GNAL: variants seen among roughly 807,000 people sequenced by gnomAD.
The protein encoded by GNAL is G protein subunit alpha L.
In GNAL, 18 loss-of-function variants were observed where a neutral mutation model predicts 55.1. The observed-to-expected ratio is 0.33, with a 90% confidence interval of 0.23 to 0.48. The LOEUF is 0.48. Among genes scored for constraint, GNAL ranks in the 20% least tolerant of loss-of-function variants. The pLI is 0.99. For synonymous variants in GNAL, 253 were observed against 237.0 expected (o/e 1.07, Z -0.62); for missense variants, 412 against 614.1 (o/e 0.67, Z 3.48).
intron 4 of GNAL, among the ~76,000 whole-genome samples, chr18:11,812,284 A>G (rs184171451): frequency 6.6e-6 from 1 of 152,344 alleles, no homozygotes; most frequent in East Asian, 1.9e-4. Flanking sequence ...CAAATCTTCA[A>G]GTATCTTTGA....
At chr18:11,750,923 C>T (rs73397874) in intron 1 of GNAL, among the ~76,000 whole-genome samples, 9,281 of 151,752 alleles carry the variant, frequency 0.061, 412 homozygotes, top group African/African-American at 0.12. Context: ...GGGGAAGGTG[C>T]GCTGGGTGAG....
chr18:11,845,576 T>A (rs779761766), intron 5 of GNAL, among the ~76,000 whole-genome samples: 4 of 152,094 alleles, frequency 2.6e-5, no homozygotes, highest in Non-Finnish European at 5.9e-5. Context: ...AGTTTGTACG[T>A]TAGTTTGTAG....
intron 4 of GNAL, among the ~76,000 whole-genome samples, chr18:11,755,592 A>C (rs1266938879): frequency 6.6e-6 from 1 of 152,198 alleles, no homozygotes; most frequent in African/African-American, 2.4e-5. Flanking sequence ...ACTTTTTTAA[A>C]AAGCTTTTAT....
At chr18:11,723,431 G>A (rs1017912200) in intron 1 of GNAL, among the ~76,000 whole-genome samples, 3 of 152,164 alleles carry the variant, frequency 2.0e-5, no homozygotes, top group African/African-American at 7.2e-5. Flanking sequence ...ACAGGCCTTG[G>A]TTTGCTAATC....
chr18:11,696,283 A>G (rs772603459), intron 1 of GNAL, among the ~76,000 whole-genome samples: 11 of 152,012 alleles, frequency 7.2e-5, no homozygotes, highest in Non-Finnish European at 2.9e-5. Flanking sequence ...CGGGTGGATC[A>G]TGAGGTCAGG....
chr18:11,849,691 C>G (rs2035814406), intron 5 of GNAL, among the ~76,000 whole-genome samples: 1 of 151,810 alleles, frequency 6.6e-6, no homozygotes, highest in Non-Finnish European at 1.5e-5. Flanking sequence ...ATTTCTTCCC[C>G]TTTTTTTTGG....
At chr18:11,770,195 G>A (rs2033590170) in intron 4 of GNAL, among the ~76,000 whole-genome samples, 1 of 151,930 alleles carries the variant, frequency 6.6e-6, no homozygotes, top group South Asian at 2.1e-4. Context: ...TCAATAGCTG[G>A]AAGCATCCTG....
chr18:11,751,777 C>T lies in GNAL; in HGVS notation c.377-1076C>T. On this transcript the variant is annotated intron_variant, in intron 1 of 11. Coordinates refer to ENST00000334049, the MANE Select transcript of GNAL (RefSeq NM_182978.4). The surrounding 1 kb of genome is among the most constrained non-coding windows in gnomAD (Gnocchi z 4.5). ...ACCCCTACAGCGCGGTAGCGCCTCT[C>T]CGAGAGCTCCGGGACCAGCGGCCCG... is the stretch of plus-strand genomic sequence containing the variant. The T allele has an allele frequency of 6.1e-6, 3 of 495,138 alleles. No homozygotes were observed. The highest frequency in any genetic ancestry group is 7.9e-6 in the Non-Finnish European group (3 of 381,484). 30.7% of individuals were successfully genotyped at this position (495,138 alleles called of 1,614,324 possible).
chr18:11,701,175 A>G (rs1355833431), intron 1 of GNAL, among the ~76,000 whole-genome samples: 1 of 152,226 alleles, frequency 6.6e-6, no homozygotes, highest in African/African-American at 2.4e-5. Context: ...ACATGATTCC[A>G]GGGATTCACG....
At chr18:11,716,902 G>C (rs1040576801) in intron 1 of GNAL, among the ~76,000 whole-genome samples, 15 of 152,364 alleles carry the variant, frequency 9.8e-5, no homozygotes, top group African/African-American at 3.6e-4. Context: ...ATCCCGCACG[G>C]GGGCTGCAGG....
Position 11,836,530 on chromosome 18 carries a change from T to G in GNAL, c.722+11515T>G, listed in dbSNP as rs1051722875. 2.6e-5 allele frequency among the ~76,000 whole-genome samples: 4 copies of G among 152,264 alleles called. No individual in the cohort carries two copies. In the South Asian group the frequency reaches 6.2e-4, roughly 24 times the overall value. ...TACCCAAGTGTAGCTGTAAGATAGC[T>G]CATATTTATTGAAACTTGCCCTGTG... On this transcript the variant is annotated intron_variant, in intron 5 of 11. Coordinates refer to ENST00000334049, the MANE Select transcript of GNAL (RefSeq NM_182978.4).
chr18:11,788,013 A>G (rs1364757143), intron 4 of GNAL, among the ~76,000 whole-genome samples: 1 of 152,132 alleles, frequency 6.6e-6, no homozygotes, highest in Non-Finnish European at 1.5e-5. Context: ...TCCTTCTGCA[A>G]ACTTCCCTTT....
intron 5 of GNAL, among the ~76,000 whole-genome samples, chr18:11,825,765 G>T (rs569022309): frequency 2.3e-4 from 27 of 119,584 alleles, no homozygotes; most frequent in African/African-American, 7.2e-4. Flanking sequence ...AGGACACTTG[G>T]TGCCAGGGCT....
Position 11,859,621 on chromosome 18 carries a change from G to A in GNAL, c.723-2774G>A, listed in dbSNP as rs369509371. Among the ~76,000 whole-genome samples, 17 of 152,236 alleles carry A rather than the reference G, an allele frequency of 1.1e-4. No individual in the cohort carries two copies. The East Asian group carries it at 2.1e-3, about 19-fold the overall frequency. The stretch of plus-strand genomic sequence containing the variant: ...GGCCAACTCACCAACCTTCTGGTGC[G>A]CAGTAGCACCTCCCAGAGCTTGCAG... On this transcript the variant is annotated intron_variant, in intron 5 of 11. Transcript: ENST00000334049.
intron 4 of GNAL, among the ~76,000 whole-genome samples, chr18:11,799,128 G>A (rs1443157844): frequency 6.7e-6 from 1 of 150,340 alleles, no homozygotes; most frequent in Admixed American, 6.6e-5. Context: ...AAAAAAAAAA[G>A]TTAAATGAAC....
intron 5 of GNAL, chr18:11,852,295 G>A: frequency 1.4e-6 from 1 of 702,032 alleles, no homozygotes; most frequent in Admixed American, 3.2e-5. Context: ...CTCTTAGCTG[G>A]ATTCTAAAGT....
intron 1 of GNAL, among the ~76,000 whole-genome samples, chr18:11,704,837 C>CA (rs554977681): frequency 1.2e-4 from 18 of 151,898 alleles, no homozygotes; most frequent in Non-Finnish European, 2.2e-4. Flanking sequence ...ATACAGAAAA[C>CA]AGCACATATT....
At chr18:11,843,954 C>T (rs561810240) in intron 5 of GNAL, among the ~76,000 whole-genome samples, 1 of 151,786 alleles carries the variant, frequency 6.6e-6, no homozygotes, top group South Asian at 2.1e-4. Context: ...GCCTGGGCAA[C>T]GGGAGTGAAA....
chr18:11,845,107 G>A (rs111754897), intron 5 of GNAL, among the ~76,000 whole-genome samples: 37 of 152,032 alleles, frequency 2.4e-4, no homozygotes, highest in African/African-American at 5.8e-4. Context: ...CTTGTGATCC[G>A]CCCACCTCAG....
Sources: gnomAD v4.1 joint callset for allele counts (sites outside exome capture counted in the v4.1 genomes callset) on GRCh38, gnomAD v4.1.1 for gene constraint, Gnocchi (gnomAD v3.1) non-coding constraint, MANE v1.5 for transcripts, NCBI Gene and HGNC (gene_info 2026-07-23, HGNC 2026-07-21) for gene names.